The following RGS7BP variants were observed in gnomAD, a reference collection of about 807,000 sequenced individuals.
RGS7BP encodes regulator of G protein signaling 7 binding protein.
In RGS7BP, 9 loss-of-function variants were observed where a neutral mutation model predicts 31.3. The ratio of observed to expected loss-of-function variants is 0.29; its 90% CI spans 0.17 to 0.50. The LOEUF is 0.50. Among genes scored for constraint, RGS7BP ranks in the 20% least tolerant of loss-of-function variants. The pLI, the probability that RGS7BP is intolerant of heterozygous loss-of-function variation, is 0.98. For missense variants in RGS7BP, 274 were observed against 322.0 expected, an observed-to-expected ratio of 0.85 and a Z score of 1.14; for synonymous variants, 115 against 120.1, an observed-to-expected ratio of 0.96 and a Z score of 0.28.
At chr5:64,519,586 T>C (rs138264704) in intron 2 of RGS7BP, among the ~76,000 whole-genome samples, 1 of 152,236 alleles carries the variant, frequency 6.6e-6, no homozygotes. Flanking sequence ...CTTTTAGTTA[T>C]GCAGTCATAG....
chr5:64,589,933 A>G (rs1014099409), intron 3 of RGS7BP, among the ~76,000 whole-genome samples: 7 of 151,914 alleles, frequency 4.6e-5, no homozygotes, highest in African/African-American at 1.7e-4. Context: ...TCAAAAAAAA[A>G]AAAAAAAGAC....
intron 2 of RGS7BP, among the ~76,000 whole-genome samples, chr5:64,535,811 A>C (rs1410288842): frequency 6.6e-6 from 1 of 152,232 alleles, no homozygotes; most frequent in Non-Finnish European, 1.5e-5. Context: ...AAGCAACGGA[A>C]TATTTGGCCA....
In RGS7BP at chr5:64,584,786, C is replaced by T. The variant is rs558596280; in HGVS notation, c.463+8882C>T. On this transcript the variant is annotated intron_variant, in intron 3 of 5. Transcript: ENST00000334025. ...CCAGTACATGGGAAGAATGGAGCTC[C>T]GGGTATGGCATAATTATTATTTTTT... Among the ~76,000 whole-genome samples the T allele has an allele frequency of 9.1e-4, 138 of 152,280 alleles. 1 individual carries two copies. Among genetic ancestry groups the T allele is most frequent in the African/African-American group, 3.0e-3 (125 of 41,556 alleles).
chr5:64,521,509 G>A (rs559337038), intron 2 of RGS7BP, among the ~76,000 whole-genome samples: 51 of 152,114 alleles, frequency 3.4e-4, no homozygotes, highest in South Asian at 4.2e-4. Context: ...CACCCACCTC[G>A]GCCTCCCAAA....
intron 2 of RGS7BP, among the ~76,000 whole-genome samples, chr5:64,530,906 CA>C (rs1749355070): frequency 6.6e-6 from 1 of 152,126 alleles, no homozygotes; most frequent in African/African-American, 2.4e-5. Flanking sequence ...AAAATGGACA[CA>C]AACCAAGGAG....
chr5:64,506,852 T>C lies in RGS7BP; in HGVS notation c.165+63T>C. On this transcript the variant is annotated intron_variant, in intron 1 of 5. Coordinates refer to ENST00000334025, the MANE Select transcript of RGS7BP (RefSeq NM_001029875.3). This position sits in a 1 kb window ranked among gnomAD's most constrained non-coding sequence, Gnocchi z 4.6. Reference sequence around the variant, plus strand: ...TTGAGAGGGGGTGGGGGGAGTCATGTATGTTAATCATTTGCCTGAGTGCCA... The same window carrying C: ...TTGAGAGGGGGTGGGGGGAGTCATGCATGTTAATCATTTGCCTGAGTGCCA... 1 of 1,445,720 alleles carries C rather than the reference T, an allele frequency of 6.9e-7. No individual in the cohort carries two copies. The highest frequency in any genetic ancestry group is 9.4e-7 in the Non-Finnish European group (1 of 1,069,060). The allele number at this position is 1,445,720 out of a possible 1,614,324, so 89.6% of individuals were successfully genotyped here.
intron 2 of RGS7BP, among the ~76,000 whole-genome samples, chr5:64,517,546 G>T (rs1749007969): frequency 6.6e-6 from 1 of 151,938 alleles, no homozygotes. Context: ...TACATATATG[G>T]TTTCTATATG....
In RGS7BP at chr5:64,594,700, C is replaced by A; in HGVS notation, c.464-10C>A. 6.2e-7 allele frequency: 1 copy of A among 1,613,510 alleles called. No homozygotes were observed. The highest frequency in any genetic ancestry group is 8.5e-7 in the Non-Finnish European group (1 of 1,179,602). On this transcript the variant is annotated splice_polypyrimidine_tract_variant and intron_variant, in intron 3 of 5. Coordinates refer to ENST00000334025, the MANE Select transcript of RGS7BP (RefSeq NM_001029875.3). ...TCCTCTTCTCTTTACCAACACCCTC[C>A]CTCCCTTAGGAAAGGAACCTGGCGG...
chr5:64,562,274 C>A (rs1742073638), intron 2 of RGS7BP, among the ~76,000 whole-genome samples: 1 of 152,012 alleles, frequency 6.6e-6, no homozygotes, highest in Non-Finnish European at 1.5e-5. Context: ...AAGAAGAAAG[C>A]CTGTAACAAA....
intron 2 of RGS7BP, among the ~76,000 whole-genome samples, chr5:64,511,769 G>A (rs138199012): frequency 1.2e-4 from 18 of 152,318 alleles, no homozygotes; most frequent in African/African-American, 4.3e-4. Context: ...GGCAGACCTG[G>A]AATGAGTGTC....
intron 2 of RGS7BP, among the ~76,000 whole-genome samples, chr5:64,525,556 A>G (rs1415852710): frequency 3.9e-5 from 6 of 152,172 alleles, no homozygotes; most frequent in Admixed American, 1.3e-4. Flanking sequence ...CACCAAAATT[A>G]TGTCATTTAA....
chr5:64,600,674 G>T (rs895227253), intron 5 of RGS7BP, among the ~76,000 whole-genome samples: 6 of 152,198 alleles, frequency 3.9e-5, no homozygotes, highest in Admixed American at 3.9e-4. Context: ...GAAGGAAGTG[G>T]TGCAGTAGGA....
intron 2 of RGS7BP, among the ~76,000 whole-genome samples, chr5:64,537,921 G>A (rs1225516674): frequency 1.3e-5 from 2 of 152,194 alleles, no homozygotes; most frequent in Non-Finnish European, 2.9e-5. Flanking sequence ...GGAACACTGG[G>A]AAGAGTGGAA....
Position 64,610,823 on chromosome 5 carries a change from A to G in RGS7BP, c.*1571A>G, listed in dbSNP as rs1313455700. The G allele has an allele frequency of 2.0e-5, 3 of 151,964 alleles. No individual in the cohort carries two copies. The highest frequency in any genetic ancestry group is 4.4e-5 in the Non-Finnish European group (3 of 67,920). The allele number at this position is 151,964 out of a possible 1,614,324, so 9.4% of individuals were successfully genotyped here. A position where few individuals can be genotyped will look rare whatever the true frequency, so the allele number is the denominator to read the frequency against. ...CACCCTAATATCCAATGTGGAAATT[A>G]TACTTGGAATTGTCTTCTAGCTCTT... On this transcript the variant is annotated 3_prime_UTR_variant, in exon 6 of 6. Coordinates refer to ENST00000334025, the MANE Select transcript of RGS7BP (RefSeq NM_001029875.3).
intron 2 of RGS7BP, among the ~76,000 whole-genome samples, chr5:64,561,486 C>T (rs1414633663): frequency 6.6e-6 from 1 of 152,110 alleles, no homozygotes; most frequent in Admixed American, 6.6e-5. Context: ...TGACCTTCAG[C>T]AACTTTCACA....
intron 2 of RGS7BP, among the ~76,000 whole-genome samples, chr5:64,556,224 T>A (rs1388901030): frequency 1.3e-5 from 2 of 152,006 alleles, no homozygotes; most frequent in East Asian, 3.9e-4. Context: ...GAATTAAATT[T>A]GCACTTTCCT....
At position 64,506,345 on chromosome 5, in the gene RGS7BP, G is replaced by A. The variant is rs1258210340; in HGVS notation, c.-280G>A. On this transcript the variant is annotated 5_prime_UTR_variant, in exon 1 of 6. Coordinates refer to ENST00000334025, the MANE Select transcript of RGS7BP (RefSeq NM_001029875.3). This position sits in a 1 kb window ranked among gnomAD's most constrained non-coding sequence, Gnocchi z 4.6. ...AGGAAGGCAGTGCGAGCCCGCGCCA[G>A]CGCCCAGCTCCCGGGACAGGGTCGG... 2.2e-5 allele frequency: 7 copies of A among 324,362 alleles called. No individual in the cohort carries two copies. The South Asian group carries it at 1.0e-3, about 48-fold the overall frequency. The allele number at this position is 324,362 out of a possible 1,614,324, so 20.1% of individuals were successfully genotyped here.
At chr5:64,543,803 A>G (rs896548795) in intron 2 of RGS7BP, among the ~76,000 whole-genome samples, 2 of 152,060 alleles carry the variant, frequency 1.3e-5, no homozygotes, top group African/African-American at 2.4e-5. Context: ...AAGGGTGTCC[A>G]CTCTATCTTC....
At chr5:64,527,625 A>C (rs1403543366) in intron 2 of RGS7BP, among the ~76,000 whole-genome samples, 5 of 148,660 alleles carry the variant, frequency 3.4e-5, no homozygotes, top group Non-Finnish European at 7.5e-5. Context: ...AAAAAAAAAA[A>C]AAAAAAAAAA....
Sources: allele counts gnomAD v4.1 joint callset (sites outside exome capture counted in the v4.1 genomes callset), GRCh38; gene constraint gnomAD v4.1.1; non-coding constraint Gnocchi (gnomAD v3.1); transcripts MANE v1.5; gene names NCBI Gene and HGNC (gene_info 2026-07-23, HGNC 2026-07-21).